The following PSEN2 variants were observed in gnomAD, a reference collection of about 807,000 sequenced individuals.
The protein encoded by PSEN2 is presenilin-2.
A neutral mutation model predicts 49.1 loss-of-function variants in PSEN2; 32 were observed. The observed-to-expected ratio is 0.65, with a 90% confidence interval of 0.49 to 0.88. The LOEUF (loss-of-function observed/expected upper bound fraction) is 0.88, where lower values mean the gene tolerates loss of function less well. PSEN2 is among the 40% of genes least tolerant of loss of function. The pLI is 0.00. For synonymous variants in PSEN2, 255 were observed against 244.0 expected (o/e 1.05, Z -0.42); for missense variants, 522 against 586.9 (o/e 0.89, Z 1.14).
At chr1:226,895,365 TCA>T in intron 12 of PSEN2, 57 bp from the exon 13 acceptor site, 4 of 1,600,192 alleles carry the variant, frequency 2.5e-6, no homozygotes, top group Non-Finnish European at 3.4e-6. Flanking sequence ...AGACCATGAC[TCA>T]CAGCTCCTGT....
At chr1:226,874,249 C>T (rs972228950) in intron 2 of PSEN2, among the ~76,000 whole-genome samples, 6 of 152,192 alleles carry the variant, frequency 3.9e-5, no homozygotes, top group Admixed American at 2.6e-4. Context: ...CCACTGGGTA[C>T]GTGACCCTCA....
intron 8 of PSEN2, among the ~76,000 whole-genome samples, chr1:226,889,788 A>T (rs1661615368): frequency 6.6e-6 from 1 of 151,780 alleles, no homozygotes; most frequent in African/African-American, 2.4e-5. Context: ...GAGAAGTGGG[A>T]CTCCCCAGCC....
intron 3 of PSEN2, among the ~76,000 whole-genome samples, chr1:226,876,176 T>C (rs1406076055): frequency 6.6e-6 from 1 of 151,850 alleles, no homozygotes; most frequent in Non-Finnish European, 1.5e-5. Context: ...CCTAGCAGTG[T>C]TGTTTATCTG....
intron 2 of PSEN2, among the ~76,000 whole-genome samples, chr1:226,874,975 C>T (rs1660543240): frequency 6.6e-6 from 1 of 152,196 alleles, no homozygotes. Flanking sequence ...CCCACTTCCC[C>T]ACAAACCACC....
intron 2 of PSEN2, among the ~76,000 whole-genome samples, chr1:226,875,151 C>T (rs1180210878): frequency 6.6e-6 from 1 of 152,156 alleles, no homozygotes; most frequent in Non-Finnish European, 1.5e-5. Context: ...AGGGCAGTAC[C>T]TCACTTCCCT....
intron 8 of PSEN2, 152 bp downstream of exon 8, chr1:226,889,201 A>G: frequency 4.3e-6 from 3 of 692,654 alleles, no homozygotes; most frequent in Non-Finnish European, 4.9e-6. Flanking sequence ...TCGCCTTTGT[A>G]AAACAGAGGG....
intron 3 of PSEN2, among the ~76,000 whole-genome samples, chr1:226,876,934 A>G (rs750605540): frequency 5.3e-5 from 8 of 152,154 alleles, no homozygotes; most frequent in Non-Finnish European, 1.2e-4. Context: ...TTTCAGCCCA[A>G]GAGCTCTCTT....
intron 4 of PSEN2, among the ~76,000 whole-genome samples, chr1:226,882,310 T>G (rs1661054511): frequency 6.6e-6 from 1 of 152,220 alleles, no homozygotes; most frequent in Non-Finnish European, 1.5e-5. Context: ...ACCTCTCTCA[T>G]GCAGGTCACT....
In PSEN2 at chr1:226,883,886, C is replaced by G. The variant is rs778247625; in HGVS notation, c.323C>G (p.Ser108Cys). ...CMIVVVATIK[S>C]VRFYTEKNGQ... The stretch of plus-strand genomic sequence containing the variant: ...ATCGTGGTGGTAGCCACCATCAAGT[C>G]TGTGCGCTTCTACACAGAGAAGAAT... The change falls in exon 5 of 13, where the codon TCT becomes TGT. Residue 108 changes from serine to cysteine, a missense_variant. By Grantham distance (112) the Ser-to-Cys change is moderately radical. Coordinates refer to ENST00000366783, the MANE Select transcript of PSEN2 (RefSeq NM_000447.3). The G allele has an allele frequency of 6.4e-7, 1 of 1,567,982 alleles. No individual in the cohort carries two copies. Among genetic ancestry groups the G allele is most frequent in the East Asian group, 2.4e-5 (1 of 41,712 alleles).
intron 3 of PSEN2, among the ~76,000 whole-genome samples, chr1:226,879,917 GT>G (rs1660870876): frequency 6.6e-6 from 1 of 152,250 alleles, no homozygotes; most frequent in Admixed American, 6.5e-5. Flanking sequence ...AGCAGAGGCA[GT>G]CTCTGCCTGT....
At chr1:226,873,798 C>T (rs1442959924) in intron 2 of PSEN2, among the ~76,000 whole-genome samples, 3 of 152,174 alleles carry the variant, frequency 2.0e-5, no homozygotes, top group Non-Finnish European at 4.4e-5. Context: ...AGGGAGGGAA[C>T]CGTAGGTGAA....
intron 3 of PSEN2, among the ~76,000 whole-genome samples, chr1:226,876,929 G>T (rs1055783954): frequency 6.6e-6 from 1 of 152,092 alleles, no homozygotes; most frequent in Admixed American, 6.6e-5. Flanking sequence ...GCCTTTTTCA[G>T]CCCAAGAGCT....
intron 4 of PSEN2, 26 bp from the exon 5 acceptor site, chr1:226,883,679 G>A (rs753721866): frequency 1.2e-5 from 19 of 1,608,732 alleles, no homozygotes; most frequent in South Asian, 6.6e-5. Flanking sequence ...GACATTCTGC[G>A]GCCCTCACGA....
intron 10 of PSEN2, 110 bp from the exon 11 acceptor site, chr1:226,891,633 C>T (rs915371102): frequency 7.7e-6 from 8 of 1,045,200 alleles, no homozygotes; most frequent in African/African-American, 3.1e-5. Context: ...TCAGGGGGAC[C>T]CCTTCTTGGA....
intron 6 of PSEN2, among the ~76,000 whole-genome samples, chr1:226,886,961 A>G (rs1661403025): frequency 6.6e-6 from 1 of 152,174 alleles, no homozygotes; most frequent in South Asian, 2.1e-4. Flanking sequence ...ATAAGTAACA[A>G]TTACCTGTGT....
chr1:226,881,572 G>T (rs1002031584), intron 3 of PSEN2, among the ~76,000 whole-genome samples: 1 of 152,176 alleles, frequency 6.6e-6, no homozygotes, highest in Non-Finnish European at 1.5e-5. Context: ...CATAATAGAT[G>T]CACCACAGAT....
Position 226,885,576 on chromosome 1 carries a change from G to T in PSEN2, c.395G>T (p.Gly132Val). 6.2e-7 allele frequency: 1 copy of T among 1,613,672 alleles called. No homozygotes were observed. Among genetic ancestry groups the T allele is most frequent in the Non-Finnish European group, 8.5e-7 (1 of 1,179,958 alleles). The stretch of plus-strand genomic sequence containing the variant: ...TTCACTGAGGACACACCCTCGGTGG[G>T]CCAGCGCCTCCTCAACTCCGTGCTG... ...TPFTEDTPSV[G>V]QRLLNSVLNT... The change falls in exon 6 of 13, where the codon GGC becomes GTC. Residue 132 changes from glycine (G) to valine (V), a missense_variant. Physicochemically the swap from Gly to Val is moderately radical, Grantham distance 109. Coordinates refer to ENST00000366783, the MANE Select transcript of PSEN2 (RefSeq NM_000447.3).
downstream of PSEN2, among the ~76,000 whole-genome samples, chr1:226,901,310 C>T (rs1486223640): frequency 6.6e-6 from 1 of 151,974 alleles, no homozygotes; most frequent in East Asian, 1.9e-4. Context: ...GTGGCGGGCA[C>T]CTGTAATCCC....
intron 4 of PSEN2, among the ~76,000 whole-genome samples, chr1:226,883,047 C>T (rs1661099143): frequency 6.6e-6 from 1 of 152,208 alleles, no homozygotes; most frequent in African/African-American, 2.4e-5. Context: ...AACACAAATT[C>T]TTACAGATCG....
Sources: allele counts gnomAD v4.1 joint callset (sites outside exome capture counted in the v4.1 genomes callset), GRCh38; gene constraint gnomAD v4.1.1; transcripts MANE v1.5; gene names NCBI Gene and HGNC (gene_info 2026-07-23, HGNC 2026-07-21).